The following ZNF454 variants were observed in gnomAD, a reference collection of about 807,000 sequenced individuals.
ZNF454 encodes the protein zinc finger protein 454.
ZNF454 carries 30 observed loss-of-function variants against 48.2 expected under a neutral mutation model. That is an observed-to-expected ratio of 0.62 (90% confidence interval 0.47 to 0.84). The LOEUF (loss-of-function observed/expected upper bound fraction) is 0.84. ZNF454 is among the 40% of genes least tolerant of loss of function. The probability of loss-of-function intolerance (pLI) is 0.00; values close to 1 mark genes in which losing one functional copy is unlikely to be tolerated. For synonymous variants in ZNF454, 204 were observed against 211.4 expected (o/e 0.97, Z 0.30); for missense variants, 510 against 623.1 (o/e 0.82, Z 1.93).
intron 4 of ZNF454, among the ~76,000 whole-genome samples, chr5:178,958,288 G>T (rs1759858851): frequency 6.6e-6 from 1 of 152,144 alleles, no homozygotes. Flanking sequence ...TGTCGTAAAG[G>T]TAACAACTAC....
the ZNF454 span, chr5:178,987,093 G>A: frequency 9.0e-7 from 1 of 1,117,022 alleles, no homozygotes; most frequent in Non-Finnish European, 1.3e-6. Flanking sequence ...AAGCATCACT[G>A]CTCATAAGGG....
intron 4 of ZNF454, among the ~76,000 whole-genome samples, chr5:178,947,406 C>T (rs915092195): frequency 6.6e-6 from 1 of 152,226 alleles, no homozygotes; most frequent in African/African-American, 2.4e-5. Context: ...AAGGTATCTC[C>T]TCTAGCTACA....
intron 4 of ZNF454, among the ~76,000 whole-genome samples, chr5:178,954,334 T>C (rs1759670118): frequency 6.6e-6 from 1 of 152,216 alleles, no homozygotes; most frequent in Admixed American, 6.5e-5. Flanking sequence ...CCATTGACTC[T>C]AGGACATTTT....
chr5:178,983,418 G>C, the ZNF454 span: 33 of 704,366 alleles, frequency 4.7e-5, 1 homozygote, highest in Non-Finnish European at 8.3e-5. Flanking sequence ...AGCCCAAGAG[G>C]GGTCCGTCCA....
intron 4 of ZNF454, among the ~76,000 whole-genome samples, chr5:178,953,721 T>C (rs910593395): frequency 2.0e-5 from 3 of 152,234 alleles, no homozygotes; most frequent in Non-Finnish European, 4.4e-5. Context: ...CTGGAAATCA[T>C]TTTCCTTCAG....
the ZNF454 span, chr5:178,979,204 A>G: frequency 6.6e-6 from 1 of 152,264 alleles, no homozygotes; most frequent in African/African-American, 2.4e-5. Flanking sequence ...GTGCCACTGC[A>G]CTCCAGCCTA....
At chr5:178,949,708 C>T (rs904146486) in intron 4 of ZNF454, among the ~76,000 whole-genome samples, 1 of 152,094 alleles carries the variant, frequency 6.6e-6, no homozygotes, top group Non-Finnish European at 1.5e-5. Context: ...TCTCCGCCTC[C>T]TGGGTTCAAG....
the ZNF454 span, among the ~76,000 whole-genome samples, chr5:178,977,836 C>T: frequency 6.6e-6 from 1 of 152,218 alleles, no homozygotes; most frequent in Non-Finnish European, 1.5e-5. Context: ...CCACTCACCT[C>T]AGCCTCCCAA....
chr5:178,943,672 T>C (rs2090719888), intron 2 of ZNF454, among the ~76,000 whole-genome samples: 1 of 152,228 alleles, frequency 6.6e-6, no homozygotes, highest in Non-Finnish European at 1.5e-5. Flanking sequence ...TTCAAAAGAC[T>C]ATTCTGCCAA....
chr5:178,977,363 G>A, the ZNF454 span: 2 of 454,792 alleles, frequency 4.4e-6, no homozygotes, highest in Non-Finnish European at 8.8e-6. Flanking sequence ...TGAGGACACA[G>A]CAAGGGAGTG....
At chr5:178,973,491 C>T in the ZNF454 span, among the ~76,000 whole-genome samples, 5 of 152,082 alleles carry the variant, frequency 3.3e-5, no homozygotes, top group African/African-American at 7.2e-5. Context: ...CTCAGTAATA[C>T]ACCTAGTGGC....
chr5:178,959,181 A>G (rs1286463351), intron 4 of ZNF454, among the ~76,000 whole-genome samples: 2 of 152,132 alleles, frequency 1.3e-5, no homozygotes, highest in East Asian at 1.9e-4. Context: ...ATTATTTTCT[A>G]TAGGGGTATC....
the ZNF454 span, among the ~76,000 whole-genome samples, chr5:178,982,576 C>CAAAAAAAAAAAAAA: frequency 5.0e-5 from 1 of 20,168 alleles, no homozygotes; most frequent in Non-Finnish European, 7.7e-5. Flanking sequence ...GACTCTGTCT[C>CAAAAAAAAAAAAAA]AAAAAAAAAA....
At chr5:178,952,051 T>G (rs1181672624) in intron 4 of ZNF454, among the ~76,000 whole-genome samples, 1 of 151,916 alleles carries the variant, frequency 6.6e-6, no homozygotes, top group Admixed American at 6.6e-5. Context: ...TTTTTTTTTT[T>G]TTTTGAGACG....
At chr5:178,983,708 G>A in the ZNF454 span, among the ~76,000 whole-genome samples, 2 of 152,236 alleles carry the variant, frequency 1.3e-5, no homozygotes, top group Admixed American at 6.5e-5. Context: ...GTGGGGAGGA[G>A]CAGGAATGGG....
At chr5:178,987,601 G>A in the ZNF454 span, 43 of 375,898 alleles carry the variant, frequency 1.1e-4, no homozygotes, top group Non-Finnish European at 2.2e-4. Flanking sequence ...GAGGTACCGA[G>A]GGTAGACAAT....
Position 178,946,966 on chromosome 5 carries a change from C to A in ZNF454, c.230C>A (p.Thr77Asn), listed in dbSNP as rs761660619. The A allele has an allele frequency of 6.2e-7, 1 of 1,614,058 alleles. No individual in the cohort carries two copies. Among genetic ancestry groups the A allele is most frequent in the Non-Finnish European group, 8.5e-7 (1 of 1,179,968 alleles). The change falls in exon 4 of 5, where the codon ACC becomes AAC. Residue 77 changes from threonine to asparagine, a missense_variant. Thr to Asn is a moderately conservative substitution (Grantham distance 65, BLOSUM62 0). Around this residue, in one of 3 missense-constraint regions of ZNF454, gnomAD observed 354 missense variants for 408.9 expected, o/e 0.87. Transcript: ENST00000519564. This position sits in a 1 kb window ranked among gnomAD's most constrained non-coding sequence, Gnocchi z 4.5. ...EKREVWMPED[T>N]PGGFCLDWMT... ...AGGGAAGTGTGGATGCCAGAGGACA[C>A]CCCTGGAGGCTTCTGTCTTGGTAAG...
At chr5:178,952,862 G>A (rs1759612827) in intron 4 of ZNF454, among the ~76,000 whole-genome samples, 1 of 150,738 alleles carries the variant, frequency 6.6e-6, no homozygotes, top group African/African-American at 2.4e-5. Flanking sequence ...ATTAATTTTT[G>A]TTCTTCACTG....
intron 4 of ZNF454, among the ~76,000 whole-genome samples, chr5:178,958,974 A>T (rs998128392): frequency 6.6e-6 from 1 of 151,994 alleles, no homozygotes; most frequent in Non-Finnish European, 1.5e-5. Context: ...ATGTCATCTG[A>T]TAAATAGAAA....
Sources: gnomAD v4.1 joint callset for allele counts (sites outside exome capture counted in the v4.1 genomes callset) on GRCh38, gnomAD v4.1.1 for gene constraint, gnomAD v4.1.1 regional missense constraint, Gnocchi (gnomAD v3.1) non-coding constraint, MANE v1.5 for transcripts, NCBI Gene and HGNC (gene_info 2026-07-23, HGNC 2026-07-21) for gene names.